The following DNM3 variants were observed in gnomAD, a reference collection of about 807,000 sequenced individuals.
The protein encoded by DNM3 is dynamin 3.
In DNM3, 47 loss-of-function variants were observed where a neutral mutation model predicts 101.6. The ratio of observed to expected loss-of-function variants is 0.46; its 90% CI spans 0.37 to 0.59. The LOEUF is 0.59. DNM3 is among the 20% of genes least tolerant of loss of function. The pLI is 0.00. For missense variants in DNM3, 849 were observed against 1,085.7 expected, an observed-to-expected ratio of 0.78 and a Z score of 3.06; for synonymous variants, 385 against 387.9, an observed-to-expected ratio of 0.99 and a Z score of 0.09.
At chr1:172,413,752 C>A (rs1432893268), downstream of DNM3, among the ~76,000 whole-genome samples, 2 of 152,170 alleles carry the variant, frequency 1.3e-5, no homozygotes, top group Non-Finnish European at 2.9e-5. Flanking sequence ...GCGATCAGGG[C>A]ATGCTCATTG....
chr1:172,335,852 C>G (rs2066398628), intron 17 of DNM3, among the ~76,000 whole-genome samples: 1 of 151,804 alleles, frequency 6.6e-6, no homozygotes, highest in Non-Finnish European at 1.5e-5. Flanking sequence ...ATGCTCAGTA[C>G]CTGGGTGACA....
chr1:172,286,377 A>G (rs919826966), intron 15 of DNM3, among the ~76,000 whole-genome samples: 1 of 152,118 alleles, frequency 6.6e-6, no homozygotes, highest in Non-Finnish European at 1.5e-5. Context: ...CTTTTATTCC[A>G]TTCCACTCCT....
chr1:172,412,032 C>T lies in DNM3; in HGVS notation c.*4191C>T, dbSNP rs1042963360. 5.1e-6 allele frequency: 5 copies of T among 979,648 alleles called. No homozygotes were observed. The highest frequency in any genetic ancestry group is 6.0e-6 in the Non-Finnish European group (5 of 827,540). 60.7% of individuals were successfully genotyped at this position (979,648 alleles called of 1,614,324 possible). On this transcript the variant is annotated 3_prime_UTR_variant, in exon 21 of 21. Coordinates refer to ENST00000627582, the MANE Select transcript of DNM3 (RefSeq NM_015569.5). Reference sequence around the variant, plus strand: ...ATTTTTGAAGCATATGTAATATATGCACTGCTATTTGTGTGTGTGTGTGTG... The same window carrying T: ...ATTTTTGAAGCATATGTAATATATGTACTGCTATTTGTGTGTGTGTGTGTG...
chr1:172,303,315 G>A (rs1246335804), intron 15 of DNM3, among the ~76,000 whole-genome samples: 1 of 152,156 alleles, frequency 6.6e-6, no homozygotes, highest in African/African-American at 2.4e-5. Context: ...AATAAAGCGA[G>A]AAGAGAACTT....
At chr1:172,325,345 A>T (rs2065897133) in intron 17 of DNM3, among the ~76,000 whole-genome samples, 1 of 152,158 alleles carries the variant, frequency 6.6e-6, no homozygotes, top group Admixed American at 6.5e-5. Flanking sequence ...TTAGTTGAAG[A>T]GTATCAAAGA....
chr1:171,922,647 T>C (rs1041493523), intron 2 of DNM3, among the ~76,000 whole-genome samples: 3 of 152,220 alleles, frequency 2.0e-5, no homozygotes, highest in African/African-American at 7.2e-5. Context: ...TTAGAACTGT[T>C]TGATCACTCC....
chr1:172,267,888 A>G (rs997046101), intron 15 of DNM3, among the ~76,000 whole-genome samples: 4 of 151,886 alleles, frequency 2.6e-5, no homozygotes, highest in Admixed American at 2.6e-4. Context: ...AATTTTTTGT[A>G]TTTTTAGTAG....
At chr1:171,867,050 C>A (rs1352302540) in intron 1 of DNM3, among the ~76,000 whole-genome samples, 1 of 152,188 alleles carries the variant, frequency 6.6e-6, no homozygotes, top group South Asian at 2.1e-4. Context: ...TTTTAAGTGA[C>A]GTGTGTAACC....
intron 4 of DNM3, among the ~76,000 whole-genome samples, chr1:172,031,501 C>T (rs191024020): frequency 3.8e-4 from 44 of 115,008 alleles, no homozygotes; most frequent in African/African-American, 1.1e-3. Flanking sequence ...CAAACCACCA[C>T]GGCACTCGTA....
chr1:172,013,042 G>T (rs1181935553), intron 4 of DNM3, among the ~76,000 whole-genome samples: 2 of 151,896 alleles, frequency 1.3e-5, no homozygotes, highest in Non-Finnish European at 2.9e-5. Context: ...AAAAAAAAAT[G>T]CATTAACTGG....
At chr1:172,353,259 C>T (rs1325016483) in intron 17 of DNM3, among the ~76,000 whole-genome samples, 1 of 152,144 alleles carries the variant, frequency 6.6e-6, no homozygotes, top group African/African-American at 2.4e-5. Flanking sequence ...TTCTGCATTC[C>T]ATGGAATATA....
At chr1:172,187,364 C>G (rs1001991621) in intron 14 of DNM3, among the ~76,000 whole-genome samples, 2 of 152,036 alleles carry the variant, frequency 1.3e-5, no homozygotes, top group African/African-American at 4.8e-5. Context: ...CATTTTAATA[C>G]AATCTTAGCA....
intron 17 of DNM3, among the ~76,000 whole-genome samples, chr1:172,348,816 A>G (rs2067065859): frequency 6.6e-6 from 1 of 152,186 alleles, no homozygotes; most frequent in East Asian, 1.9e-4. Context: ...TTTCTGAGCT[A>G]GAGTTCTTAT....
rs148630359 is a variant in DNM3, at chr1:171,951,402, C to T, written c.235+29581C>T. Among the ~76,000 whole-genome samples, 80 of 152,236 alleles carry T rather than the reference C, an allele frequency of 5.3e-4. No individual in the cohort carries two copies. In the East Asian group the frequency reaches 8.9e-3, roughly 17 times the overall value. On this transcript the variant is annotated intron_variant, in intron 2 of 20. Transcript: ENST00000627582. The stretch of plus-strand genomic sequence containing the variant: ...GCCAAACTTTGAAATATTTTACATG[C>T]GGTGTTTTGCATTATGAAAGTTTCG...
intron 10 of DNM3, among the ~76,000 whole-genome samples, chr1:172,062,084 T>TTA (rs2051274465): frequency 6.6e-6 from 1 of 152,216 alleles, no homozygotes; most frequent in Non-Finnish European, 1.5e-5. Flanking sequence ...CCTTTTCATC[T>TTA]TACAACTCAT....
intron 17 of DNM3, among the ~76,000 whole-genome samples, chr1:172,325,600 T>C (rs1429068107): frequency 6.6e-6 from 1 of 151,994 alleles, no homozygotes; most frequent in East Asian, 1.9e-4. Flanking sequence ...AGAATTTCAG[T>C]ATAAATGGAA....
chr1:171,896,366 G>A (rs1239828482), intron 1 of DNM3, among the ~76,000 whole-genome samples: 1 of 152,136 alleles, frequency 6.6e-6, no homozygotes, highest in Non-Finnish European at 1.5e-5. Flanking sequence ...TTCCTTGTAA[G>A]TTGGATTCCT....
At chr1:172,144,126 A>G (rs1288742646) in intron 14 of DNM3, among the ~76,000 whole-genome samples, 1 of 151,938 alleles carries the variant, frequency 6.6e-6, no homozygotes, top group East Asian at 1.9e-4. Flanking sequence ...GAGTTTTTTC[A>G]TATTTCATTT....
chr1:172,291,715 C>A (rs2063923767), intron 15 of DNM3, among the ~76,000 whole-genome samples: 1 of 152,184 alleles, frequency 6.6e-6, no homozygotes, highest in South Asian at 2.1e-4. Context: ...GCTGGGTACC[C>A]ATTTGATAGT....
Sources: allele counts gnomAD v4.1 joint callset (sites outside exome capture counted in the v4.1 genomes callset), GRCh38; gene constraint gnomAD v4.1.1; transcripts MANE v1.5; gene names NCBI Gene and HGNC (gene_info 2026-07-23, HGNC 2026-07-21).